The following DNAH11 variants were observed in gnomAD, a reference collection of about 807,000 sequenced individuals.
The protein encoded by DNAH11 is axonemal beta dynein heavy chain 11.
In DNAH11, 442 loss-of-function variants were observed where a neutral mutation model predicts 526.0. That is an observed-to-expected ratio of 0.84 (90% CI 0.78 to 0.91). The LOEUF (loss-of-function observed/expected upper bound fraction) is 0.91. DNAH11 is among the 40% of genes least tolerant of loss of function. The pLI, the probability that DNAH11 is intolerant of heterozygous loss-of-function variation, is 0.00. For missense variants in DNAH11, 6,989 were observed against 5,448.7 expected (o/e 1.28, Z -8.90); for synonymous variants, 2,461 against 1,935.9 (o/e 1.27, Z -7.12).
intron 55 of DNAH11, among the ~76,000 whole-genome samples, chr7:21,772,185 T>G (rs984231593): frequency 6.6e-6 from 1 of 152,180 alleles, no homozygotes; most frequent in Non-Finnish European, 1.5e-5. Flanking sequence ...TTTGCCCCAT[T>G]GAGACAAGTT....
chr7:21,613,810 G>A (rs1430325010), intron 20 of DNAH11, among the ~76,000 whole-genome samples: 1 of 152,076 alleles, frequency 6.6e-6, no homozygotes. Flanking sequence ...TGACCAGGCT[G>A]TAGTGCAGTG....
intron 64 of DNAH11, 126 bp from the exon 65 acceptor site, chr7:21,818,091 A>C (rs928421443): frequency 4.5e-6 from 4 of 890,024 alleles, no homozygotes; most frequent in Non-Finnish European, 6.6e-6. Flanking sequence ...CTACTTTATA[A>C]AATAGTTTTC....
chr7:21,698,172 A>C lies in DNAH11; in HGVS notation c.6139A>C (p.Ile2047Leu), dbSNP rs1299458992. Residue 2047 changes from isoleucine (I) to leucine (L), a missense_variant, in exon 36 of 82, where the codon ATT becomes CTT. Transcript: ENST00000409508. ...VDARALARKF[I>L]TLYTLCKELL... Reference sequence around the variant, plus strand: ...TGCGCGTGCATTAGCCCGAAAGTTCATTACGTTGTACACGCTTTGCAAGGA... The same window carrying C: ...TGCGCGTGCATTAGCCCGAAAGTTCCTTACGTTGTACACGCTTTGCAAGGA... 16 of 1,613,688 alleles carry C rather than the reference A, an allele frequency of 9.9e-6. No homozygotes were observed. Among genetic ancestry groups the C allele is most frequent in the Admixed American group, 1.7e-5 (1 of 59,962 alleles).
Position 21,899,353 on chromosome 7 carries a change from T to G in DNAH11, c.13067T>G (p.Leu4356Arg). The G allele has an allele frequency of 6.2e-7, 1 of 1,613,994 alleles. No homozygotes were observed. The highest frequency in any genetic ancestry group is 8.5e-7 in the Non-Finnish European group (1 of 1,179,864). The part of the protein sequence containing the change: ...GLAQWFNDLL[L>R]RCRELDTWTQ... ...TAAACCAGGTTCAATGACCTCCTCC[T>G]GCGATGCCGAGAACTCGATACTTGG... The change falls in exon 80 of 82, where the codon CTG becomes CGG. Residue 4356 changes from leucine to arginine, a missense_variant. Leu to Arg is a moderately radical substitution (Grantham distance 102, BLOSUM62 -2). Transcript: ENST00000409508.
At chr7:21,582,428 C>G (rs1784343655) in intron 9 of DNAH11, among the ~76,000 whole-genome samples, 1 of 152,118 alleles carries the variant, frequency 6.6e-6, no homozygotes, top group African/African-American at 2.4e-5. Context: ...AAACAAATAG[C>G]AATTTATATA....
chr7:21,867,567 TG>T (rs1783328089), intron 71 of DNAH11, among the ~76,000 whole-genome samples: 1 of 151,842 alleles, frequency 6.6e-6, no homozygotes. Flanking sequence ...GCAGGGGATT[TG>T]GGGGATACAA....
intron 44 of DNAH11, among the ~76,000 whole-genome samples, chr7:21,723,137 A>T (rs1784947003): frequency 6.6e-6 from 1 of 152,246 alleles, no homozygotes; most frequent in Non-Finnish European, 1.5e-5. Flanking sequence ...TGAAACAGAC[A>T]CAATAAATGT....
Position 21,617,633 on chromosome 7 carries a change from C to T in DNAH11, c.4110C>T (p.Leu1370=). 6.2e-7 allele frequency: 1 copy of T among 1,613,740 alleles called. No homozygotes were observed. Among genetic ancestry groups the T allele is most frequent in the Non-Finnish European group, 8.5e-7 (1 of 1,179,764 alleles). Residue 1370 remains leucine, a synonymous_variant, in exon 23 of 82, where the codon CTC becomes CTT. Coordinates refer to ENST00000409508, the MANE Select transcript of DNAH11 (RefSeq NM_001277115.2). ...CTTTTCTTTAGGAAATTTGGTCACT[C>T]AACAAGGAAGTCCGCGTCTGGGATG... The part of the protein sequence containing the change: ...LRRFAKEIWS[L]NKEVRVWDAY...
At chr7:21,757,898 G>A (rs1023780166) in intron 54 of DNAH11, among the ~76,000 whole-genome samples, 1 of 152,184 alleles carries the variant, frequency 6.6e-6, no homozygotes, top group African/African-American at 2.4e-5. Flanking sequence ...TACTCACCTG[G>A]CCAGTGGAAA....
intron 1 of DNAH11, chr7:21,543,825 A>C (rs1583468227): frequency 3.5e-6 from 2 of 567,346 alleles, no homozygotes; most frequent in Non-Finnish European, 6.1e-6. Context: ...CTGACCGAGA[A>C]TCCCGCGTTG....
chr7:21,605,327 T>G (rs768957443), intron 18 of DNAH11, among the ~76,000 whole-genome samples: 24 of 152,240 alleles, frequency 1.6e-4, no homozygotes, highest in Non-Finnish European at 3.2e-4. Flanking sequence ...ACAATTTCAC[T>G]GTCCCAGGAG....
Position 21,711,805 on chromosome 7 carries a change from A to G in DNAH11, c.6928A>G (p.Thr2310Ala). The change falls in exon 42 of 82, where the codon ACT becomes GCT. Residue 2310 changes from threonine (T) to alanine (A), a missense_variant. Thr to Ala is a moderately conservative substitution (Grantham distance 58). Transcript: ENST00000409508. ...TCACTTAAGGAGCGCAACCCCGGCC[A>G]CTGTTTCCAGAGCTGGTATTCTGTA... The part of the protein sequence containing the change: ...IHHLRSATPA[T>A]VSRAGILYVN... 3 of 1,613,818 alleles carry G rather than the reference A, an allele frequency of 1.9e-6. No homozygotes were observed. The highest frequency in any genetic ancestry group is 2.5e-6 in the Non-Finnish European group (3 of 1,179,806).
At chr7:21,663,821 G>A (rs190609547) in intron 30 of DNAH11, among the ~76,000 whole-genome samples, 9 of 147,022 alleles carry the variant, frequency 6.1e-5, no homozygotes, top group African/African-American at 1.5e-4. Context: ...TGCTTTATTC[G>A]TCCATTGATG....
At chr7:21,780,808 C>T (rs1402725445) in intron 57 of DNAH11, among the ~76,000 whole-genome samples, 1 of 152,110 alleles carries the variant, frequency 6.6e-6, no homozygotes, top group East Asian at 1.9e-4. Context: ...CAAATATTAA[C>T]ATCTATTTTG....
Position 21,704,523 on chromosome 7 carries a change from T to A in DNAH11, c.6363T>A (p.Phe2121Leu). The A allele has an allele frequency of 6.2e-7, 1 of 1,613,900 alleles. No individual in the cohort carries two copies. The highest frequency in any genetic ancestry group is 1.6e-4 in the Middle Eastern group (1 of 6,062). ...PVFLGLVGDL[F>L]PALDVPRRRK... ...TTCTGGGCCTGGTCGGTGACCTGTT[T>A]CCAGCCCTGGATGTGCCCCGGAGGA... The change falls in exon 38 of 82, where the codon TTT becomes TTA. Residue 2121 changes from phenylalanine to leucine, a missense_variant. Transcript: ENST00000409508.
At chr7:21,806,934 A>G (rs574643340) in intron 62 of DNAH11, among the ~76,000 whole-genome samples, 3 of 152,288 alleles carry the variant, frequency 2.0e-5, no homozygotes, top group African/African-American at 7.2e-5. Context: ...ACCTTTTTAT[A>G]TAGGTCATAG....
intron 28 of DNAH11, among the ~76,000 whole-genome samples, chr7:21,644,260 C>T (rs1787250934): frequency 6.6e-6 from 1 of 152,028 alleles, no homozygotes. Flanking sequence ...CACATTCCCA[C>T]AAGCACAGTG....
intron 26 of DNAH11, 130 bp from the exon 27 acceptor site, chr7:21,637,481 G>T: frequency 1.5e-6 from 1 of 674,978 alleles, no homozygotes; most frequent in Non-Finnish European, 2.6e-6. Context: ...TGTGGTGTCA[G>T]ACATTCTTAG....
intron 2 of DNAH11, among the ~76,000 whole-genome samples, chr7:21,549,930 C>G (rs183705880): frequency 1.3e-5 from 2 of 152,108 alleles, no homozygotes; most frequent in African/African-American, 2.4e-5. Flanking sequence ...GGGGTGCTAC[C>G]GTCTTGGTTA....
Sources: gnomAD v4.1 joint callset for allele counts (sites outside exome capture counted in the v4.1 genomes callset) on GRCh38, gnomAD v4.1.1 for gene constraint, MANE v1.5 for transcripts, NCBI Gene and HGNC (gene_info 2026-07-23, HGNC 2026-07-21) for gene names.